ULK1: variants seen among roughly 807,000 people sequenced by gnomAD.
ULK1 encodes the protein unc-51 like autophagy activating kinase 1.
A neutral mutation model predicts 117.5 loss-of-function variants in ULK1; 48 were observed. That is an observed-to-expected ratio of 0.41 (90% confidence interval 0.32 to 0.52). The LOEUF is 0.52. Ranked by LOEUF, ULK1 falls within the 20% of genes least tolerant of loss-of-function variation. The pLI, the probability that ULK1 is intolerant of heterozygous loss-of-function variation, is 0.29. For missense variants in ULK1, 1,387 were observed against 1,473.4 expected (o/e 0.94, Z 0.96); for synonymous variants, 790 against 637.8 (o/e 1.24, Z -3.60).
At chr12:131,917,791 C>T (rs571958499) in intron 22 of ULK1, among the ~76,000 whole-genome samples, 5 of 152,322 alleles carry the variant, frequency 3.3e-5, no homozygotes, top group South Asian at 2.1e-4. Context: ...GAGCGGTAGG[C>T]GCTCGTTCCC....
intron 3 of ULK1, among the ~76,000 whole-genome samples, chr12:131,900,440 A>G (rs113774234): frequency 0.013 from 1,969 of 152,342 alleles, 39 homozygotes; most frequent in African/African-American, 0.045. Context: ...AGTCCACCAC[A>G]GCCGCTGGGA....
intron 5 of ULK1, among the ~76,000 whole-genome samples, chr12:131,908,115 C>CG (rs1412213213): frequency 1.3e-5 from 2 of 152,100 alleles, no homozygotes; most frequent in African/African-American, 4.8e-5. Flanking sequence ...ACTGCTCAAA[C>CG]GCCGGCTCAG....
Position 131,919,574 on chromosome 12 carries a change from G to A in ULK1, c.2787G>A (p.Ser929=), listed in dbSNP as rs201770233. The change falls in exon 25 of 28, where the codon TCG becomes TCA. Residue 929 remains serine, a synonymous_variant. Coordinates refer to ENST00000321867, the MANE Select transcript of ULK1 (RefSeq NM_003565.4). The part of the protein sequence containing the change: ...DQIRAGKLCL[S]STVKQVVRRL... ...TCCGGGCCGGCAAGCTCTGCCTGTC[G>A]TCCACTGTGAAGCAGGGTGAGGGCT... 325 of 1,611,896 alleles carry A rather than the reference G, an allele frequency of 2.0e-4. No homozygotes were observed. The highest frequency in any genetic ancestry group is 2.6e-4 in the Non-Finnish European group (308 of 1,179,604).
intron 5 of ULK1, 28 bp downstream of exon 5, chr12:131,907,559 T>C: frequency 6.2e-7 from 1 of 1,602,344 alleles, no homozygotes; most frequent in South Asian, 1.1e-5. Flanking sequence ...CCACCTGGGC[T>C]GCCAGCCGGT....
rs574589164 is a variant in ULK1, at chr12:131,916,838, C to T, written c.2073-115C>T. On this transcript the variant is annotated intron_variant, in intron 20 of 27. Transcript: ENST00000321867. Reference sequence around the variant, plus strand: ...TGGGGTGACAGGAGCGCCTGCCTCTCGAGGTGGGCCAGGAGACCGTGCATC... The same window carrying T: ...TGGGGTGACAGGAGCGCCTGCCTCTTGAGGTGGGCCAGGAGACCGTGCATC... The T allele has an allele frequency of 8.8e-4, 933 of 1,058,130 alleles. 4 individuals carry two copies. The highest frequency in any genetic ancestry group is 7.1e-3 in the East Asian group (265 of 37,184). 65.5% of individuals were successfully genotyped at this position (1,058,130 alleles called of 1,614,324 possible).
Position 131,917,526 on chromosome 12 carries a change from C to A in ULK1, c.2298C>A (p.Pro766=). The A allele has an allele frequency of 6.9e-7, 1 of 1,449,408 alleles. No homozygotes were observed. The highest frequency in any genetic ancestry group is 9.1e-7 in the Non-Finnish European group (1 of 1,097,264). The allele number at this position is 1,449,408 out of a possible 1,614,324, so 89.8% of individuals were successfully genotyped here. A position where few individuals can be genotyped will look rare whatever the true frequency, so the allele number is the denominator to read the frequency against. The change falls in exon 22 of 28, where the codon CCC becomes CCA. Residue 766 remains proline (P), a synonymous_variant. Coordinates refer to ENST00000321867, the MANE Select transcript of ULK1 (RefSeq NM_003565.4). ...VGSPPSGSTP[P]QGPRTRMFSA... ...CTCCCCCGAGCGGGAGCACGCCCCCCCAGGGCCCCCGCACCAGGATGTTCT... is the reference window on the plus strand; with the variant it reads ...CTCCCCCGAGCGGGAGCACGCCCCCACAGGGCCCCCGCACCAGGATGTTCT...
At position 131,895,088 on chromosome 12, in the gene ULK1, G is replaced by C; in HGVS notation, c.87G>C (p.Val29=). The change falls in exon 1 of 28, where the codon GTG becomes GTC. Residue 29 remains valine (V), a synonymous_variant. Transcript: ENST00000321867. ...TGATCGGCCACGGCGCCTTCGCGGTGGTCTTCAAGGGCCGCCACCGCGAGG... is the reference window on the plus strand; with the variant it reads ...TGATCGGCCACGGCGCCTTCGCGGTCGTCTTCAAGGGCCGCCACCGCGAGG... ...KDLIGHGAFA[V]VFKGRHREKH... 6.4e-7 allele frequency: 1 copy of C among 1,570,918 alleles called. No individual in the cohort carries two copies. The highest frequency in any genetic ancestry group is 8.6e-7 in the Non-Finnish European group (1 of 1,166,352).
intron 17 of ULK1, 45 bp from the exon 18 acceptor site, chr12:131,915,288 CTG>C (rs1360743081): frequency 6.2e-7 from 1 of 1,610,104 alleles, no homozygotes; most frequent in South Asian, 1.1e-5. Flanking sequence ...GGTGAGGAGG[CTG>C]TCTCTGTCCC....
rs1218159907 is a variant in ULK1 at position 131,897,921 on chromosome 12, A to C, written c.246+2097A>C. ...CTCAAAAACACAAAACAAAACCCTC[A>C]AAAAGTTTACCCCTCTCTGTTAGAG... On this transcript the variant is annotated intron_variant, in intron 3 of 27. Coordinates refer to ENST00000321867, the MANE Select transcript of ULK1 (RefSeq NM_003565.4). 4.6e-5 allele frequency: 7 copies of C among 152,204 alleles called. No individual in the cohort carries two copies. The East Asian group carries it at 1.3e-3, about 29-fold the overall frequency. 9.4% of individuals were successfully genotyped at this position (152,204 alleles called of 1,614,324 possible). A position where few individuals can be genotyped will look rare whatever the true frequency, so the allele number is the denominator to read the frequency against.
rs1890056621 is a variant in ULK1, at chr12:131,919,571, G to A, written c.2784G>A (p.Leu928=). 1 of 1,611,848 alleles carries A rather than the reference G, an allele frequency of 6.2e-7. No individual in the cohort carries two copies. Among genetic ancestry groups the A allele is most frequent in the African/African-American group, 1.3e-5 (1 of 74,932 alleles). The change falls in exon 25 of 28, where the codon CTG becomes CTA. Residue 928 remains leucine (L), a synonymous_variant. Transcript: ENST00000321867. ...AGATCCGGGCCGGCAAGCTCTGCCT[G>A]TCGTCCACTGTGAAGCAGGGTGAGG... The part of the protein sequence containing the change: ...IDQIRAGKLC[L]SSTVKQVVRR...
Position 131,906,930 on chromosome 12 carries a change from T to C in ULK1, c.279+6T>C, listed in dbSNP as rs1260477162. On this transcript the variant is annotated splice_donor_region_variant and intron_variant, in intron 4 of 27. Coordinates refer to ENST00000321867, the MANE Select transcript of ULK1 (RefSeq NM_003565.4). ...CTGTCTACCTGGTTATGGAGGTGAG[T>C]GCCTTGTGGTGCCAGGACAAGTGCA... 12 of 1,613,978 alleles carry C rather than the reference T, an allele frequency of 7.4e-6. No homozygotes were observed. The highest frequency in any genetic ancestry group is 9.3e-6 in the Non-Finnish European group (11 of 1,179,982).
chr12:131,914,439 G>A lies in ULK1; in HGVS notation c.1335G>A (p.Glu445=), dbSNP rs756688625. Reference sequence around the variant, plus strand: ...AGGTGCAGAACTACCAGCGCATTGAGCGAAACCTGCAGTCACCCACCCAGT... The same window carrying A: ...AGGTGCAGAACTACCAGCGCATTGAACGAAACCTGCAGTCACCCACCCAGT... The part of the protein sequence containing the change: ...PTQVQNYQRI[E]RNLQSPTQFQ... The change falls in exon 16 of 28, where the codon GAG becomes GAA. Residue 445 remains glutamate, a synonymous_variant. Transcript: ENST00000321867. The A allele has an allele frequency of 2.5e-6, 4 of 1,612,762 alleles. No individual in the cohort carries two copies. The South Asian group carries it at 4.4e-5, about 18-fold the overall frequency.
At position 131,895,061 on chromosome 12, in the gene ULK1, C is replaced by T. The variant is rs1888806907; in HGVS notation, c.60C>T (p.Asp20=). ...TVGKFEFSRK[D]LIGHGAFAVV... is the part of the protein sequence containing the mutation. ...GCAAGTTCGAGTTCTCCCGCAAGGACCTGATCGGCCACGGCGCCTTCGCGG... is the reference window on the plus strand; with the variant it reads ...GCAAGTTCGAGTTCTCCCGCAAGGATCTGATCGGCCACGGCGCCTTCGCGG... The change falls in exon 1 of 28, where the codon GAC becomes GAT. Residue 20 remains aspartate, a synonymous_variant. Coordinates refer to ENST00000321867, the MANE Select transcript of ULK1 (RefSeq NM_003565.4). The T allele has an allele frequency of 6.3e-7, 1 of 1,584,252 alleles. No individual in the cohort carries two copies. Among genetic ancestry groups the T allele is most frequent in the Admixed American group, 1.7e-5 (1 of 57,420 alleles).
intron 15 of ULK1, among the ~76,000 whole-genome samples, 190 bp downstream of exon 15, chr12:131,914,026 A>G (rs538577758): frequency 6.6e-6 from 1 of 152,214 alleles, no homozygotes; most frequent in African/African-American, 2.4e-5. Context: ...GAGCATTGAC[A>G]GGAGTAGGTG....
Position 131,922,264 on chromosome 12 carries a change from C to G in ULK1, c.*903C>G. Reference sequence around the variant, plus strand: ...AGGTTAGAGGCAGATGGCACAGGGGCGTGTGGCGGGCGGGTGAGGCTGCTT... The same window carrying G: ...AGGTTAGAGGCAGATGGCACAGGGGGGTGTGGCGGGCGGGTGAGGCTGCTT... On this transcript the variant is annotated 3_prime_UTR_variant, in exon 28 of 28. Coordinates refer to ENST00000321867, the MANE Select transcript of ULK1 (RefSeq NM_003565.4). 1 of 350,068 alleles carries G rather than the reference C, an allele frequency of 2.9e-6. No individual in the cohort carries two copies. The highest frequency in any genetic ancestry group is 2.1e-5 in the South Asian group (1 of 46,830). 21.7% of individuals were successfully genotyped at this position (350,068 alleles called of 1,614,324 possible). A position where few individuals can be genotyped will look rare whatever the true frequency, so the allele number is the denominator to read the frequency against.
At chr12:131,918,877 C>A (rs1021877941) in intron 23 of ULK1, among the ~76,000 whole-genome samples, 196 bp downstream of exon 23, 8 of 1,506 alleles carry the variant, frequency 5.3e-3, no homozygotes, top group Middle Eastern at 0.5. Context: ...TGTGGGGTGT[C>A]GGGTGTGTGG....
Position 131,921,300 on chromosome 12 carries a change from C to G in ULK1, c.3098-6C>G. ...GTCTCCCTCACACTCCCCTCTCCCTCCACAGGCAAGCTGTGCATTGAGCGG... is the reference window on the plus strand; with the variant it reads ...GTCTCCCTCACACTCCCCTCTCCCTGCACAGGCAAGCTGTGCATTGAGCGG... On this transcript the variant is annotated splice_polypyrimidine_tract_variant and splice_region_variant and intron_variant, in intron 27 of 27. Coordinates refer to ENST00000321867, the MANE Select transcript of ULK1 (RefSeq NM_003565.4). 6.2e-7 allele frequency: 1 copy of G among 1,608,172 alleles called. No homozygotes were observed. The highest frequency in any genetic ancestry group is 8.5e-7 in the Non-Finnish European group (1 of 1,179,946).
intron 13 of ULK1, 134 bp from the exon 14 acceptor site, chr12:131,913,064 C>G (rs761250068): frequency 6.3e-5 from 50 of 793,458 alleles, no homozygotes; most frequent in South Asian, 2.0e-4. Flanking sequence ...CTCTGCCCCC[C>G]GCAAGGCCGC....
chr12:131,909,506 C>G (rs1889430079), intron 8 of ULK1, among the ~76,000 whole-genome samples: 1 of 152,160 alleles, frequency 6.6e-6, no homozygotes, highest in African/African-American at 2.4e-5. Flanking sequence ...GGTCGCCTGC[C>G]TGGTCAGAGG....
Sources: allele counts gnomAD v4.1 joint callset (sites outside exome capture counted in the v4.1 genomes callset), GRCh38; gene constraint gnomAD v4.1.1; transcripts MANE v1.5; gene names NCBI Gene and HGNC (gene_info 2026-07-23, HGNC 2026-07-21).